TEX26: variants seen among roughly 807,000 people sequenced by gnomAD.
TEX26 encodes testis expressed 26, also known as testis-expressed protein 26.
Under a neutral mutation model 35.3 loss-of-function variants are expected in TEX26, and 34 were observed. The ratio of observed to expected loss-of-function variants is 0.96; its 90% CI spans 0.73 to 1.28. TEX26 has a LOEUF of 1.28. Ranked by LOEUF, TEX26 falls within the 50% of genes most tolerant of loss-of-function variation. The pLI is 0.00. For missense variants in TEX26, 371 were observed against 330.1 expected, an observed-to-expected ratio of 1.12 and a Z score of -0.96; for synonymous variants, 136 against 111.8, an observed-to-expected ratio of 1.22 and a Z score of -1.36.
chr13:30,974,131 A>AATATATATATATATATATATAT (rs1555271791), intron 6 of TEX26, among the ~76,000 whole-genome samples: 6 of 84,412 alleles, frequency 7.1e-5, no homozygotes, highest in Admixed American at 3.1e-4. Context: ...AAAAAAAAAA[A>AATATATATATATATATATATAT]ATATATATAT....
intron 3 of TEX26, among the ~76,000 whole-genome samples, chr13:30,953,226 T>C (rs1279061250): frequency 6.6e-6 from 1 of 152,202 alleles, no homozygotes; most frequent in Non-Finnish European, 1.5e-5. Context: ...CACCGTCTGC[T>C]TTCTATGTCC....
intron 1 of TEX26, among the ~76,000 whole-genome samples, chr13:30,937,273 C>T (rs560173261): frequency 8.5e-5 from 13 of 152,236 alleles, no homozygotes; most frequent in Middle Eastern, 3.4e-3. Context: ...CCTAGATGGG[C>T]GGGAACACAG....
Position 30,956,932 on chromosome 13 carries a change from C to A in TEX26, c.372C>A (p.Leu124=), listed in dbSNP as rs775955156. The stretch of plus-strand genomic sequence containing the variant: ...AAACGGGGACACTAAAGAACTGCCT[C>A]CCTTGGAAAATCCCGGCTTCAATGA... ...CQQTGTLKNC[L]PWKIPASMKE... is the part of the protein sequence containing the mutation. The change falls in exon 4 of 7, where the codon CTC becomes CTA. Residue 124 remains leucine, a synonymous_variant. Coordinates refer to ENST00000380473, the MANE Select transcript of TEX26 (RefSeq NM_152325.3). The A allele has an allele frequency of 8.7e-6, 14 of 1,614,078 alleles. No individual in the cohort carries two copies. Among genetic ancestry groups the A allele is most frequent in the Non-Finnish European group, 6.8e-6 (8 of 1,180,030 alleles).
intron 3 of TEX26, among the ~76,000 whole-genome samples, chr13:30,956,314 C>T (rs1954128216): frequency 6.6e-6 from 1 of 151,820 alleles, no homozygotes; most frequent in African/African-American, 2.4e-5. Context: ...TGGTTTCCAG[C>T]TTCATCCATG....
Position 30,934,805 on chromosome 13 carries a change from G to A in TEX26, c.61+2029G>A, listed in dbSNP as rs1953208453. On this transcript the variant is annotated intron_variant, in intron 1 of 6. Coordinates refer to ENST00000380473, the MANE Select transcript of TEX26 (RefSeq NM_152325.3). ...CTCCTGCTCTATGGAGCAAGCAGGA[G>A]CCCTGCAGTCCTGGGCGAGGCTACA... 5.9e-5 allele frequency among the ~76,000 whole-genome samples: 9 copies of A among 152,228 alleles called. 1 individual carries two copies. Among genetic ancestry groups the A allele is most frequent in the Admixed American group, 5.9e-4 (9 of 15,288 alleles).
intron 3 of TEX26, 37 bp from the exon 4 acceptor site, chr13:30,956,836 A>G: frequency 6.3e-7 from 1 of 1,586,180 alleles, no homozygotes; most frequent in Non-Finnish European, 8.7e-7. Flanking sequence ...GGGTGAACCC[A>G]TATGGATTTT....
At chr13:30,938,188 AAG>A (rs1953342968) in intron 1 of TEX26, among the ~76,000 whole-genome samples, 1 of 152,110 alleles carries the variant, frequency 6.6e-6, no homozygotes, top group Admixed American at 6.5e-5. Flanking sequence ...CCCAGATATG[AAG>A]AGTGAGAGAA....
At chr13:30,967,025 G>A (rs2138332600) in intron 5 of TEX26, among the ~76,000 whole-genome samples, 1 of 152,322 alleles carries the variant, frequency 6.6e-6, no homozygotes, top group South Asian at 2.1e-4. Context: ...AAAAATGAGA[G>A]GGAAGGATGC....
chr13:30,944,618 C>T (rs549742655), intron 2 of TEX26, among the ~76,000 whole-genome samples: 1 of 151,996 alleles, frequency 6.6e-6, no homozygotes, highest in South Asian at 2.1e-4. Flanking sequence ...TTTACTGTAT[C>T]CCAGAAGTTT....
At chr13:30,933,512 G>A (rs998092011) in intron 1 of TEX26, 3 of 152,242 alleles carry the variant, frequency 2.0e-5, no homozygotes, top group Non-Finnish European at 4.4e-5. Flanking sequence ...CATTGCTGCT[G>A]TATAGTTGGG....
intron 2 of TEX26, among the ~76,000 whole-genome samples, chr13:30,942,905 T>C (rs1242003547): frequency 6.6e-6 from 1 of 152,188 alleles, no homozygotes; most frequent in Non-Finnish European, 1.5e-5. Context: ...TGTAGTATAA[T>C]TTAAAGTCTA....
chr13:30,953,209 C>T (rs930363567), intron 3 of TEX26, among the ~76,000 whole-genome samples: 7 of 152,116 alleles, frequency 4.6e-5, no homozygotes, highest in African/African-American at 1.4e-4. Flanking sequence ...CCCCCGACTC[C>T]ACTCCCCACC....
intron 2 of TEX26, among the ~76,000 whole-genome samples, chr13:30,950,118 A>T (rs942697796): frequency 6.6e-6 from 1 of 152,220 alleles, no homozygotes; most frequent in Non-Finnish European, 1.5e-5. Context: ...GCTGTCTCGG[A>T]AAAGATTCTG....
chr13:30,936,675 AG>A, intron 1 of TEX26: 4 of 985,418 alleles, frequency 4.1e-6, no homozygotes, highest in Non-Finnish European at 4.8e-6. Flanking sequence ...GGCCAGGTCA[AG>A]ACTCTGTGTC....
intron 4 of TEX26, among the ~76,000 whole-genome samples, chr13:30,958,417 C>A (rs1326139830): frequency 6.6e-6 from 1 of 152,222 alleles, no homozygotes. Context: ...GCTCTAAGCC[C>A]TGTGACACAA....
Position 30,940,322 on chromosome 13 carries a change from C to CTT in TEX26, c.146+572_146+573dup, listed in dbSNP as rs869246492. The stretch of plus-strand genomic sequence containing the variant: ...GTGGGAGTTTCTAAACATCAGCTGC[C>CTT]TTTTTTTTTTTTTTTTTTTTTTTTT... On this transcript the variant is annotated intron_variant, in intron 2 of 6. Transcript: ENST00000380473. Among the ~76,000 whole-genome samples the CTT allele has an allele frequency of 3.5e-3, 180 of 52,064 alleles. 46 individuals carry two copies. Among genetic ancestry groups the CTT allele is most frequent in the African/African-American group, 0.013 (170 of 13,034 alleles). 34.2% of individuals were successfully genotyped at this position (52,064 alleles called of 152,430 possible). A position where few individuals can be genotyped will look rare whatever the true frequency, so the allele number is the denominator to read the frequency against.
At chr13:30,937,026 A>G (rs765367215) in intron 1 of TEX26, 8 of 977,122 alleles carry the variant, frequency 8.2e-6, no homozygotes, top group Non-Finnish European at 9.7e-6. Flanking sequence ...AAGGGAAATC[A>G]TTAACATGAA....
chr13:30,940,355 A>C (rs1210344721), intron 2 of TEX26, among the ~76,000 whole-genome samples: 2 of 49,150 alleles, frequency 4.1e-5, no homozygotes, highest in Non-Finnish European at 7.4e-5. Context: ...TTTTTTTGAG[A>C]CAGAGTCTCG....
Position 30,952,725 on chromosome 13 carries a change from A to T in TEX26, c.212A>T (p.Gln71Leu), listed in dbSNP as rs1953975379. 7 of 1,612,788 alleles carry T rather than the reference A, an allele frequency of 4.3e-6. No individual in the cohort carries two copies. In the South Asian group the frequency reaches 4.4e-5, roughly 10 times the overall value. The change falls in exon 3 of 7, where the codon CAA becomes CTA. Residue 71 changes from glutamine (Q) to leucine (L), a missense_variant. By Grantham distance (113) the Gln-to-Leu change is moderately radical. Coordinates refer to ENST00000380473, the MANE Select transcript of TEX26 (RefSeq NM_152325.3). ...SLSDPILNQTQYSDEYTWKSH... is the reference protein window; with the variant it reads ...SLSDPILNQTLYSDEYTWKSH... ...AGTGATCCTATTCTCAATCAGACAC[A>T]ATATAGTGATGAGTACACTTGGAAA...
Sources: gnomAD v4.1 joint callset for allele counts (sites outside exome capture counted in the v4.1 genomes callset) on GRCh38, gnomAD v4.1.1 for gene constraint, MANE v1.5 for transcripts, NCBI Gene and HGNC (gene_info 2026-07-23, HGNC 2026-07-21) for gene names.